The following P2RY8 variants were observed in gnomAD, a reference collection of about 807,000 sequenced individuals.
P2RY8 encodes P2Y receptor family member 8, also known as S-geranylgeranyl-glutathione receptor P2RY8.
A neutral mutation model predicts 10.0 loss-of-function variants in P2RY8; 6 were observed. The observed-to-expected ratio is 0.60, with a 90% CI of 0.33 to 1.19. P2RY8 has a LOEUF of 1.19. P2RY8 is among the 50% of genes most tolerant of loss of function. P2RY8 has a pLI of 0.04. For synonymous variants in P2RY8, 276 were observed against 252.5 expected, an observed-to-expected ratio of 1.09 and a Z score of -0.88; for missense variants, 456 against 542.0, an observed-to-expected ratio of 0.84 and a Z score of 1.58.
intron 1 of P2RY8, among the ~76,000 whole-genome samples, chrX:1,471,133 G>T (rs2091779269): frequency 6.6e-6 from 1 of 151,650 alleles, no homozygotes; most frequent in South Asian, 2.1e-4. Context: ...TCAGCCTCTG[G>T]AGTAGCTGGG....
chrX:1,489,881 A>G (rs62602990), intron 1 of P2RY8, among the ~76,000 whole-genome samples: 2 of 14,494 alleles, frequency 1.4e-4, no homozygotes, highest in African/African-American at 1.9e-4. Flanking sequence ...GAATGAATGA[A>G]TGATACCCCA....
chrX:1,480,511 C>T (rs1288875877), intron 1 of P2RY8, among the ~76,000 whole-genome samples: 1 of 105,186 alleles, frequency 9.5e-6, no homozygotes, highest in East Asian at 2.4e-4. Flanking sequence ...TCTCAGCCTC[C>T]TGTGTAAGCT....
chrX:1,501,739 G>A (rs28550157), intron 1 of P2RY8, among the ~76,000 whole-genome samples: 35,616 of 150,996 alleles, frequency 0.24, 4,354 homozygotes, highest in Middle Eastern at 0.38. Context: ...GATTACAGGC[G>A]CGCACCACCA....
At chrX:1,478,916 T>C (rs754180990) in intron 1 of P2RY8, among the ~76,000 whole-genome samples, 41 of 152,162 alleles carry the variant, frequency 2.7e-4, no homozygotes, top group African/African-American at 9.9e-4. Flanking sequence ...TGGTGGTCCC[T>C]CCCCACTGAA....
chrX:1,491,610 A>G (rs1431434284), intron 1 of P2RY8, among the ~76,000 whole-genome samples: 5 of 152,226 alleles, frequency 3.3e-5, no homozygotes, highest in African/African-American at 9.6e-5. Flanking sequence ...TGCACAGCCA[A>G]TGAGTGACGG....
At chrX:1,477,240 T>A (rs1174406863) in intron 1 of P2RY8, among the ~76,000 whole-genome samples, 1 of 151,976 alleles carries the variant, frequency 6.6e-6, no homozygotes, top group Non-Finnish European at 1.5e-5. Flanking sequence ...TGTCTATCCA[T>A]GAATCCATTT....
intron 1 of P2RY8, among the ~76,000 whole-genome samples, chrX:1,496,427 G>A (rs1316613451): frequency 7.2e-5 from 11 of 152,130 alleles, no homozygotes; most frequent in African/African-American, 1.4e-4. Flanking sequence ...CAGCCCTCCC[G>A]GGTGCGACTC....
chrX:1,521,036 T>TTTTC (rs1569538589), intron 1 of P2RY8, among the ~76,000 whole-genome samples: 2 of 138,470 alleles, frequency 1.4e-5, no homozygotes, highest in African/African-American at 5.4e-5. Context: ...TTTCTTTTCT[T>TTTTC]TTTTTTTTTT....
intron 1 of P2RY8, among the ~76,000 whole-genome samples, chrX:1,477,295 A>ACATCAATCATC: frequency 1.7e-5 from 1 of 60,030 alleles, no homozygotes; most frequent in African/African-American, 7.1e-5. Context: ...TCATCTATCT[A>ACATCAATCATC]TATCAATCGT....
intron 1 of P2RY8, among the ~76,000 whole-genome samples, chrX:1,525,761 T>C (rs1213015858): frequency 4.6e-5 from 7 of 152,230 alleles, no homozygotes; most frequent in Non-Finnish European, 8.8e-5. Context: ...CATCCACTCA[T>C]CCATCCATCT....
At chrX:1,498,860 G>A (rs1450610288) in intron 1 of P2RY8, among the ~76,000 whole-genome samples, 1 of 150,782 alleles carries the variant, frequency 6.6e-6, no homozygotes, top group Admixed American at 6.6e-5. Flanking sequence ...TTGAGATGGA[G>A]TCTCACTCTT....
intron 1 of P2RY8, among the ~76,000 whole-genome samples, chrX:1,515,324 G>A (rs533031374): frequency 2.1e-4 from 32 of 151,168 alleles, no homozygotes; most frequent in East Asian, 3.9e-4. Flanking sequence ...GGTTTAGAAC[G>A]TTAAGTTGTG....
intron 1 of P2RY8, among the ~76,000 whole-genome samples, chrX:1,515,953 GT>G (rs1364517175): frequency 2.6e-5 from 3 of 117,364 alleles, no homozygotes; most frequent in East Asian, 3.4e-4. Flanking sequence ...GGGTCGGGGG[GT>G]GGTGGATCAC....
chrX:1,524,546 CAT>C, intron 1 of P2RY8, among the ~76,000 whole-genome samples: 1 of 128,764 alleles, frequency 7.8e-6, no homozygotes, highest in Non-Finnish European at 1.7e-5. Flanking sequence ...TCCATCCATC[CAT>C]CCATGCATGC....
Position 1,536,401 on chromosome X carries a change from G to A in P2RY8, c.-25+520C>T, listed in dbSNP as rs770551963. On this transcript the variant is annotated intron_variant, in intron 1 of 1. Coordinates refer to ENST00000381297, the MANE Select transcript of P2RY8 (RefSeq NM_178129.5). The stretch of plus-strand genomic sequence containing the variant: ...CTCAGCCTCCCGAGTAGCTGGGACC[G>A]CAGGCGCCCACCACCAAGCCCAGCT... Among the ~76,000 whole-genome samples, 10 of 151,894 alleles carry A rather than the reference G, an allele frequency of 6.6e-5. No homozygotes were observed. The East Asian group carries it at 1.4e-3, about 21-fold the overall frequency.
At chrX:1,473,718 G>A (rs1258481763) in intron 1 of P2RY8, among the ~76,000 whole-genome samples, 3 of 148,496 alleles carry the variant, frequency 2.0e-5, no homozygotes, top group African/African-American at 7.6e-5. Context: ...ATAGATGGAT[G>A]ACTGGGTGGA....
chrX:1,503,131 C>T (rs2092195727), intron 1 of P2RY8, among the ~76,000 whole-genome samples: 1 of 151,382 alleles, frequency 6.6e-6, no homozygotes, highest in African/African-American at 2.4e-5. Flanking sequence ...GAGAAGGCCA[C>T]GTGGAGACGG....
intron 1 of P2RY8, among the ~76,000 whole-genome samples, chrX:1,504,749 G>A (rs2092214593): frequency 6.6e-6 from 1 of 152,038 alleles, no homozygotes; most frequent in Non-Finnish European, 1.5e-5. Flanking sequence ...CACTTTGGGA[G>A]GCTGATGCGG....
At chrX:1,531,132 T>C (rs1261053663) in intron 1 of P2RY8, among the ~76,000 whole-genome samples, 1 of 151,960 alleles carries the variant, frequency 6.6e-6, no homozygotes, top group African/African-American at 2.4e-5. Context: ...AAGACAGTGA[T>C]AGATGAGCAA....
Sources: allele counts gnomAD v4.1 joint callset (sites outside exome capture counted in the v4.1 genomes callset), GRCh38; gene constraint gnomAD v4.1.1; transcripts MANE v1.5; gene names NCBI Gene and HGNC (gene_info 2026-07-23, HGNC 2026-07-21).